The following ADPRHL1 variants were observed in gnomAD, a reference collection of about 807,000 sequenced individuals.
ADPRHL1 encodes the protein inactive ADP-ribosyltransferase ARH2.
ADPRHL1 carries 43 observed loss-of-function variants against 44.1 expected under a neutral mutation model. That is an observed-to-expected ratio of 0.98 (90% confidence interval 0.76 to 1.26). ADPRHL1 has a LOEUF of 1.26. ADPRHL1 is among the 50% of genes most tolerant of loss of function. The pLI is 0.00. For missense variants in ADPRHL1, 2,022 were observed against 2,496.9 expected, an observed-to-expected ratio of 0.81 and a Z score of 4.05; for synonymous variants, 878 against 1,017.4, an observed-to-expected ratio of 0.86 and a Z score of 2.61.
In ADPRHL1 at chr13:113,453,430, T is replaced by G; in HGVS notation, c.8A>C (p.Lys3Thr). 1 of 1,614,038 alleles carries G rather than the reference T, an allele frequency of 6.2e-7. No individual in the cohort carries two copies. Among genetic ancestry groups the G allele is most frequent in the Non-Finnish European group, 8.5e-7 (1 of 1,180,016 alleles). ...CCCCAGCAACATCGCAGCCTTAAAT[T>G]TCTCCATCCCAGGAGGCAGCTCCTC... MEKFKAAMLLGSV... is the reference protein window; with the variant it reads METFKAAMLLGSV... The change falls in exon 1 of 8, where the codon AAA becomes ACA. Residue 3 changes from lysine to threonine, a missense_variant. Physicochemically the swap from Lys to Thr is moderately conservative, Grantham distance 78. This residue lies in a region of ADPRHL1 where 437 missense variants were observed against 430.7 expected (regional missense o/e 1.01). Transcript: ENST00000612156. The surrounding 1 kb of genome is among the most constrained non-coding windows in gnomAD (Gnocchi z 5.4).
intron 3 of ADPRHL1, among the ~76,000 whole-genome samples, chr13:113,431,264 C>G (rs951423263): frequency 3.9e-5 from 6 of 152,262 alleles, no homozygotes; most frequent in African/African-American, 1.2e-4. Flanking sequence ...GCTGGGCCCA[C>G]GGTGAACGGC....
In ADPRHL1 at chr13:113,429,057, A is replaced by G. The variant is rs772299702; in HGVS notation, c.541T>C (p.Ser181Pro). 1.2e-6 allele frequency: 2 copies of G among 1,612,500 alleles called. No homozygotes were observed. Among genetic ancestry groups the G allele is most frequent in the Admixed American group, 3.3e-5 (2 of 59,984 alleles). The change falls in exon 4 of 8, where the codon TCG becomes CCG. Residue 181 changes from serine (S) to proline (P), a missense_variant. Around this residue, in one of 8 missense-constraint regions of ADPRHL1, gnomAD observed 437 missense variants for 430.7 expected, o/e 1.01. Transcript: ENST00000612156. ...AGGGGCTTTCCTTGTGCGGCGAACG[A>G]CACAAACAGGGCCGTGCACAGGGAG... The part of the protein sequence containing the change: ...LGSLCTALFV[S>P]FAAQGKPLVQ...
intron 7 of ADPRHL1, among the ~76,000 whole-genome samples, chr13:113,416,890 C>T (rs1036028708): frequency 3.9e-5 from 6 of 152,138 alleles, no homozygotes; most frequent in South Asian, 2.1e-4. Context: ...ATTGTGTGTG[C>T]GTGCTCATAT....
At chr13:113,442,393 T>A (rs2044105438) in intron 2 of ADPRHL1, among the ~76,000 whole-genome samples, 1 of 152,252 alleles carries the variant, frequency 6.6e-6, no homozygotes, top group Non-Finnish European at 1.5e-5. Flanking sequence ...AGGCTGAGGC[T>A]GCAGTAAGTG....
At chr13:113,440,920 AGGTG>A (rs1156288907) in intron 2 of ADPRHL1, among the ~76,000 whole-genome samples, 1 of 151,992 alleles carries the variant, frequency 6.6e-6, no homozygotes, top group Non-Finnish European at 1.5e-5. Context: ...TGGGAGGCCA[AGGTG>A]GGCGGATCAC....
chr13:113,423,475 G>A lies in ADPRHL1; in HGVS notation c.908-496C>T, dbSNP rs547769708. On this transcript the variant is annotated intron_variant, in intron 6 of 7. Transcript: ENST00000612156. Reference sequence around the variant, plus strand: ...GGAAACCCCTCCAGGGGCTGAGCCGGCTCTGTGCAGAGGCTTCCTGACCAA... The same window carrying A: ...GGAAACCCCTCCAGGGGCTGAGCCGACTCTGTGCAGAGGCTTCCTGACCAA... Among the ~76,000 whole-genome samples, 11 of 152,356 alleles carry A rather than the reference G, an allele frequency of 7.2e-5. No individual in the cohort carries two copies. The South Asian group carries it at 2.1e-3, about 29-fold the overall frequency.
At position 113,433,309 on chromosome 13, in the gene ADPRHL1, A is replaced by T. The variant is rs182396460; in HGVS notation, c.505+433T>A. 8.9e-4 allele frequency among the ~76,000 whole-genome samples: 136 copies of T among 152,254 alleles called. 1 individual carries two copies. The highest frequency in any genetic ancestry group is 3.0e-3 in the African/African-American group (123 of 41,558). ...AAGTATTGTACAAACCCTTGTCCCC[A>T]GGGTCCCCCCGATCCCACCTGCACC... On this transcript the variant is annotated intron_variant, in intron 3 of 7. Coordinates refer to ENST00000612156, the MANE Select transcript of ADPRHL1 (RefSeq NM_001394807.1).
At chr13:113,419,996 G>A (rs111459733) in intron 7 of ADPRHL1, among the ~76,000 whole-genome samples, 2 of 152,246 alleles carry the variant, frequency 1.3e-5, no homozygotes, top group South Asian at 4.1e-4. Flanking sequence ...CACAGCTCGG[G>A]GGGTGTGTGA....
intron 3 of ADPRHL1, among the ~76,000 whole-genome samples, chr13:113,430,361 C>T (rs2043997984): frequency 6.6e-6 from 1 of 152,224 alleles, no homozygotes; most frequent in African/African-American, 2.4e-5. Context: ...GAGCTCTCTC[C>T]TCTCACTGCT....
In ADPRHL1 at chr13:113,406,452, G is replaced by A; in HGVS notation, c.2830C>T (p.Leu944=). 8.1e-7 allele frequency: 1 copy of A among 1,232,060 alleles called. No homozygotes were observed. The highest frequency in any genetic ancestry group is 1.5e-5 in the African/African-American group (1 of 64,552). 76.3% of individuals were successfully genotyped at this position (1,232,060 alleles called of 1,614,324 possible). A position where few individuals can be genotyped will look rare whatever the true frequency, so the allele number is the denominator to read the frequency against. The change falls in exon 8 of 8, where the codon CTG becomes TTG. Residue 944 remains leucine (L), a synonymous_variant. Coordinates refer to ENST00000612156, the MANE Select transcript of ADPRHL1 (RefSeq NM_001394807.1). ...GADHSVPETL[L]TQRLQTDPAG... is the part of the protein sequence containing the mutation. ...GGATCTGTCTGGAGTCTCTGTGTCAGAAGTGTCTCTGGGACACTGTGGTCG... is the reference window on the plus strand; with the variant it reads ...GGATCTGTCTGGAGTCTCTGTGTCAAAAGTGTCTCTGGGACACTGTGGTCG...
chr13:113,409,652 C>T lies in ADPRHL1; in HGVS notation c.1062-1432G>A, dbSNP rs917320801. On this transcript the variant is annotated intron_variant, in intron 7 of 7. Transcript: ENST00000612156. This position sits in a 1 kb window ranked among gnomAD's most constrained non-coding sequence, Gnocchi z 4.2. The stretch of plus-strand genomic sequence containing the variant: ...GTAATCTCAGCGTGATTTGGGAGGC[C>T]GAGGCTGGCAGATCACGAGGTCAGG... The T allele has an allele frequency of 2.6e-5, 25 of 973,616 alleles. No individual in the cohort carries two copies. Among genetic ancestry groups the T allele is most frequent in the East Asian group, 1.1e-4 (1 of 8,714 alleles). 60.3% of individuals were successfully genotyped at this position (973,616 alleles called of 1,614,324 possible).
At position 113,444,438 on chromosome 13, in the gene ADPRHL1, C is replaced by T. The variant is rs143393814; in HGVS notation, c.366G>A (p.Pro122=). Residue 122 remains proline, a synonymous_variant, in exon 2 of 8, where the codon CCG becomes CCA. Coordinates refer to ENST00000612156, the MANE Select transcript of ADPRHL1 (RefSeq NM_001394807.1). Reference sequence around the variant, plus strand: ...GATTTCCCTGACCTTTTTCATTGAACGGTGTGTGCCAGGCGAGAAGGTAGT... The same window carrying T: ...GATTTCCCTGACCTTTTTCATTGAATGGTGTGTGCCAGGCGAGAAGGTAGT... The part of the protein sequence containing the change: ...PNNYLLAWHT[P]FNEKGSGFGA... The T allele has an allele frequency of 2.3e-5, 37 of 1,613,688 alleles. 1 individual carries two copies. The highest frequency in any genetic ancestry group is 1.9e-4 in the South Asian group (17 of 91,056).
intron 4 of ADPRHL1, among the ~76,000 whole-genome samples, 197 bp from the exon 5 acceptor site, chr13:113,425,376 A>G (rs968219070): frequency 6.6e-6 from 1 of 152,154 alleles, no homozygotes; most frequent in Non-Finnish European, 1.5e-5. Flanking sequence ...CAGAATTACC[A>G]ACATGCTGAC....
At position 113,400,564 on chromosome 13, in the gene ADPRHL1, GGT is replaced by G. The variant is rs1295307577; in HGVS notation, c.*2812_*2813del. The G allele has an allele frequency of 6.6e-6, 1 of 152,246 alleles. No individual in the cohort carries two copies. The highest frequency in any genetic ancestry group is 1.9e-4 in the East Asian group (1 of 5,178). 9.4% of individuals were successfully genotyped at this position (152,246 alleles called of 1,614,324 possible). The stretch of plus-strand genomic sequence containing the variant: ...TGCTGTAGTTATTTCACCCCGGGAG[GGT>G]GTGGGCCTTAGCCATGTGGCCGTGA... On this transcript the variant is annotated 3_prime_UTR_variant, in exon 8 of 8. Transcript: ENST00000612156.
Position 113,403,623 on chromosome 13 carries a change from C to T in ADPRHL1, c.5659G>A (p.Glu1887Lys). 1 of 1,231,616 alleles carries T rather than the reference C, an allele frequency of 8.1e-7. No homozygotes were observed. The highest frequency in any genetic ancestry group is 4.1e-5 in the South Asian group (1 of 24,328). 76.3% of individuals were successfully genotyped at this position (1,231,616 alleles called of 1,614,324 possible). A position where few individuals can be genotyped will look rare whatever the true frequency, so the allele number is the denominator to read the frequency against. ...SPLGLGKSPT[E>K]PKPEAGGCGT... ...CAGCCCCCAGCCTCAGGCTTGGGCT[C>T]AGTTGGGCTCTTTCCCAGCCCCAGG... The change falls in exon 8 of 8, where the codon GAG (glutamate) becomes AAG (lysine). Residue 1887 changes from glutamate (E) to lysine (K), a missense_variant. Physicochemically the swap from Glu to Lys is moderately conservative, Grantham distance 56. Around this residue, in one of 8 missense-constraint regions of ADPRHL1, gnomAD observed 205 missense variants for 250.1 expected, o/e 0.82. Coordinates refer to ENST00000612156, the MANE Select transcript of ADPRHL1 (RefSeq NM_001394807.1).
chr13:113,448,850 G>T (rs981879739), intron 1 of ADPRHL1: 6 of 711,486 alleles, frequency 8.4e-6, no homozygotes, highest in Non-Finnish European at 1.0e-5. Flanking sequence ...GTGACCTTGT[G>T]AGGGAGGAAG....
At chr13:113,444,688 A>T (rs1279076615) in intron 1 of ADPRHL1, 99 bp from the exon 2 acceptor site, 1 of 1,428,390 alleles carries the variant, frequency 7.0e-7, no homozygotes, top group East Asian at 2.3e-5. Flanking sequence ...GAAGAAAGGG[A>T]GGGCAGACAC....
intron 4 of ADPRHL1, among the ~76,000 whole-genome samples, chr13:113,428,549 G>A (rs1011041585): frequency 2.6e-5 from 4 of 152,240 alleles, no homozygotes; most frequent in African/African-American, 9.6e-5. Flanking sequence ...GGCTCCTGAG[G>A]GAAGGGCCCA....
In ADPRHL1 at chr13:113,404,917, C is replaced by A; in HGVS notation, c.4365G>T (p.Arg1455=). 1 of 1,245,564 alleles carries A rather than the reference C, an allele frequency of 8.0e-7. No individual in the cohort carries two copies. The allele number at this position is 1,245,564 out of a possible 1,614,324, so 77.2% of individuals were successfully genotyped here. The change falls in exon 8 of 8, where the codon CGG becomes CGT. Residue 1455 remains arginine, a synonymous_variant. Coordinates refer to ENST00000612156, the MANE Select transcript of ADPRHL1 (RefSeq NM_001394807.1). ...TGGTGCCCTCTCCCCACGCCGTGCT[C>A]CGCCCCCGCTCCTCCCAGGGTCCCT... ...HLQGPWEERG[R]STAWGEGTRA...
Sources: gnomAD v4.1 joint callset for allele counts (sites outside exome capture counted in the v4.1 genomes callset) on GRCh38, gnomAD v4.1.1 for gene constraint, gnomAD v4.1.1 regional missense constraint, Gnocchi (gnomAD v3.1) non-coding constraint, MANE v1.5 for transcripts, NCBI Gene and HGNC (gene_info 2026-07-23, HGNC 2026-07-21) for gene names.